Variants in CFTR observed in about 807,000 individuals in gnomAD.
CFTR encodes the protein cystic fibrosis transmembrane conductance regulator.
In CFTR, 181 loss-of-function variants were observed where a neutral mutation model predicts 171.6. That is an observed-to-expected ratio of 1.05 (90% CI 0.93 to 1.19). The LOEUF is 1.19. CFTR is among the 50% of genes most tolerant of loss of function. The pLI is 0.00. For missense variants in CFTR, 1,968 were observed against 1,734.7 expected (o/e 1.13, Z -2.39); for synonymous variants, 583 against 608.0 (o/e 0.96, Z 0.60).
intron 3 of CFTR, among the ~76,000 whole-genome samples, chr7:117,511,064 AATG>A (rs1485167310): frequency 2.0e-5 from 3 of 152,104 alleles, no homozygotes; most frequent in Non-Finnish European, 4.4e-5. Context: ...TTATAATTAT[AATG>A]ATTGTATTTA....
At chr7:117,638,494 G>C (rs1792862199) in intron 22 of CFTR, among the ~76,000 whole-genome samples, 2 of 152,082 alleles carry the variant, frequency 1.3e-5, no homozygotes, top group South Asian at 4.2e-4. Context: ...CCAGCACTTT[G>C]GGAGGCCAAG....
At position 117,638,543 on chromosome 7, in the gene CFTR, C is replaced by G. The variant is rs1484062820; in HGVS notation, c.3718-3895C>G. On this transcript the variant is annotated intron_variant, in intron 22 of 26. Coordinates refer to ENST00000003084, the MANE Select transcript of CFTR (RefSeq NM_000492.4). ...TTGGGGTCAGGAGTTCAAGACCAGC[C>G]TGGTCAACATGGTAAAACCCTGTGC... 2.0e-5 allele frequency among the ~76,000 whole-genome samples: 3 copies of G among 151,986 alleles called. No homozygotes were observed. In the East Asian group the frequency reaches 5.8e-4, roughly 29 times the overall value.
At chr7:117,500,278 CTTTTTTTTTTTTTTTT>C (rs745627454) in intron 1 of CFTR, among the ~76,000 whole-genome samples, 1 of 76,448 alleles carries the variant, frequency 1.3e-5, no homozygotes. Flanking sequence ...TTCTTCCTTT[CTTTTTTTTTTTTTTTT>C]TTTTTTTTTG....
intron 2 of CFTR, among the ~76,000 whole-genome samples, chr7:117,505,311 T>C (rs35026177): frequency 0.015 from 2,244 of 152,132 alleles, 57 homozygotes; most frequent in African/African-American, 0.051. Context: ...AAGGTTAGGA[T>C]CCTTTTGATT....
chr7:117,494,051 A>C (rs1798201723), intron 1 of CFTR, among the ~76,000 whole-genome samples: 1 of 152,186 alleles, frequency 6.6e-6, no homozygotes, highest in African/African-American at 2.4e-5. Context: ...AGAATCCTAG[A>C]GACCAACTTT....
At chr7:117,584,708 T>G (rs1222935176) in intron 11 of CFTR, among the ~76,000 whole-genome samples, 2 of 152,124 alleles carry the variant, frequency 1.3e-5, no homozygotes, top group Non-Finnish European at 2.9e-5. Context: ...CTGTGAAGAA[T>G]TATGATGATA....
At chr7:117,483,354 AG>A in intron 1 of CFTR, among the ~76,000 whole-genome samples, 1 of 152,146 alleles carries the variant, frequency 6.6e-6, no homozygotes, top group East Asian at 1.9e-4. Flanking sequence ...TTATATTCAT[AG>A]CTTGCTTTAG....
intron 15 of CFTR, among the ~76,000 whole-genome samples, chr7:117,596,863 G>A (rs1457639697): frequency 1.3e-5 from 2 of 152,176 alleles, no homozygotes; most frequent in East Asian, 3.9e-4. Context: ...CTCAGGGTTT[G>A]TAAATACACC....
intron 1 of CFTR, among the ~76,000 whole-genome samples, chr7:117,504,005 A>C (rs374132225): frequency 6.6e-6 from 1 of 152,092 alleles, no homozygotes; most frequent in Admixed American, 6.6e-5. Context: ...CCTGGGAAAA[A>C]CCATACTATT....
At chr7:117,529,165 A>G (rs1179383371) in intron 3 of CFTR, among the ~76,000 whole-genome samples, 3 of 89,962 alleles carry the variant, frequency 3.3e-5, no homozygotes, top group Admixed American at 2.2e-4. Context: ...GCACATATAC[A>G]CCATGGAATA....
At chr7:117,572,601 T>G (rs1014738443) in intron 11 of CFTR, among the ~76,000 whole-genome samples, 4 of 152,078 alleles carry the variant, frequency 2.6e-5, no homozygotes, top group Non-Finnish European at 5.9e-5. Flanking sequence ...CTCTCTCTCT[T>G]TATAATACTC....
At chr7:117,593,568 TTC>T (rs1792070117) in intron 14 of CFTR, among the ~76,000 whole-genome samples, 2 of 152,166 alleles carry the variant, frequency 1.3e-5, no homozygotes, top group South Asian at 4.1e-4. Flanking sequence ...TAAATGATAA[TTC>T]ATCTATATAG....
At chr7:117,536,252 C>G (rs1798953502) in intron 6 of CFTR, among the ~76,000 whole-genome samples, 2 of 152,116 alleles carry the variant, frequency 1.3e-5, no homozygotes, top group Admixed American at 1.3e-4. Flanking sequence ...CTTAGTCAAG[C>G]CACTTCACCT....
chr7:117,599,446 G>C (rs1792188901), intron 15 of CFTR, among the ~76,000 whole-genome samples: 1 of 151,970 alleles, frequency 6.6e-6, no homozygotes, highest in Non-Finnish European at 1.5e-5. Context: ...AGAAAACAGT[G>C]GTCCTTTAGG....
intron 23 of CFTR, among the ~76,000 whole-genome samples, chr7:117,650,373 TGA>T (rs1380319433): frequency 1.3e-5 from 2 of 152,020 alleles, no homozygotes; most frequent in African/African-American, 4.8e-5. Context: ...TACCATACAC[TGA>T]GATGGGAAAG....
chr7:117,580,698 G>C (rs1205197780), intron 11 of CFTR, among the ~76,000 whole-genome samples: 1 of 152,078 alleles, frequency 6.6e-6, no homozygotes, highest in Non-Finnish European at 1.5e-5. Flanking sequence ...GTCTAGTCTA[G>C]TCCAGACTGC....
At chr7:117,523,055 A>G (rs1798708804) in intron 3 of CFTR, among the ~76,000 whole-genome samples, 1 of 152,212 alleles carries the variant, frequency 6.6e-6, no homozygotes, top group Non-Finnish European at 1.5e-5. Flanking sequence ...AATAAACTGC[A>G]TTTTAGTTTG....
rs77284892 is a variant in CFTR at position 117,509,047 on chromosome 7, G to T, written c.178G>T (p.Glu60Ter). 71 of 1,608,822 alleles carry T rather than the reference G, an allele frequency of 4.4e-5. 1 individual carries two copies. Among genetic ancestry groups the T allele is most frequent in the Non-Finnish European group, 5.6e-5 (66 of 1,175,684 alleles). The change falls in exon 3 of 27, where the codon GAG (glutamate) becomes TAG (stop). Residue 60 changes from glutamate (E) to a stop codon, truncating the protein, a stop_gained. Transcript: ENST00000003084. LOFTEE classifies it high-confidence loss of function. ...ATTCTTTTGCAGAGAATGGGATAGA[G>T]AGCTGGCTTCAAAGAAAAATCCTAA... ...SEKLEREWDR[E>*]LASKKNPKLI...
chr7:117,515,377 C>T (rs1584778808), intron 3 of CFTR, among the ~76,000 whole-genome samples: 1 of 152,128 alleles, frequency 6.6e-6, no homozygotes, highest in South Asian at 2.1e-4. Context: ...AATGGCTAGG[C>T]AGTTTTCCCA....
Sources: gnomAD v4.1 joint callset for allele counts (sites outside exome capture counted in the v4.1 genomes callset) on GRCh38, gnomAD v4.1.1 for gene constraint, MANE v1.5 for transcripts, NCBI Gene and HGNC (gene_info 2026-07-23, HGNC 2026-07-21) for gene names.